MINK1: variants seen among roughly 807,000 people sequenced by gnomAD.
The protein encoded by MINK1 is misshapen-like kinase 1.
A neutral mutation model predicts 178.4 loss-of-function variants in MINK1; 46 were observed. The ratio of observed to expected loss-of-function variants is 0.26; its 90% CI spans 0.20 to 0.33. MINK1 has a LOEUF of 0.33. MINK1 is among the 10% of genes least tolerant of loss of function. MINK1 has a pLI of 1.00. For missense variants in MINK1, 1,366 were observed against 1,814.9 expected (o/e 0.75, Z 4.49); for synonymous variants, 797 against 709.7 (o/e 1.12, Z -1.96).
intron 16 of MINK1, 115 bp from the exon 17 acceptor site, chr17:4,892,034 C>T (rs1199245982): frequency 1.1e-6 from 1 of 888,316 alleles, no homozygotes; most frequent in Non-Finnish European, 1.8e-6. Flanking sequence ...CTCCCCTGAA[C>T]CTCAGTTTTC....
chr17:4,852,650 C>T (rs1024665295), intron 1 of MINK1, among the ~76,000 whole-genome samples: 1 of 147,258 alleles, frequency 6.8e-6, no homozygotes, highest in Non-Finnish European at 1.5e-5. Context: ...ATTGGCAAGG[C>T]TCCAGGTAAA....
At position 4,891,651 on chromosome 17, in the gene MINK1, G is replaced by A; in HGVS notation, c.1936G>A (p.Glu646Lys). 1 of 1,600,664 alleles carries A rather than the reference G, an allele frequency of 6.2e-7. No individual in the cohort carries two copies. The highest frequency in any genetic ancestry group is 8.5e-7 in the Non-Finnish European group (1 of 1,174,426). Residue 646 changes from glutamate to lysine, a missense_variant, in exon 16 of 32, where the codon GAA (glutamate) becomes AAA (lysine). By Grantham distance (56) the Glu-to-Lys change is moderately conservative. Transcript: ENST00000355280. The stretch of plus-strand genomic sequence containing the variant: ...CCGCCAGAATTCAGACCCCACCTCT[G>A]AAGGACCTGGCCCCAGCCCGAATCC... ...VIRQNSDPTS[E>K]GPGPSPNPPA...
intron 17 of MINK1, 69 bp from the exon 18 acceptor site, chr17:4,892,333 G>T: frequency 6.8e-7 from 1 of 1,467,640 alleles, no homozygotes; most frequent in Non-Finnish European, 9.3e-7. Flanking sequence ...CTGGGGGTGG[G>T]AAAGCCCCAG....
At chr17:4,877,431 A>G (rs558461077) in intron 1 of MINK1, among the ~76,000 whole-genome samples, 3 of 152,132 alleles carry the variant, frequency 2.0e-5, no homozygotes, top group Non-Finnish European at 4.4e-5. Flanking sequence ...CCCTCCGTCC[A>G]GGTCCCTTTG....
chr17:4,896,841 C>G lies in MINK1; in HGVS notation c.3915+28C>G, dbSNP rs2151082356. The stretch of plus-strand genomic sequence containing the variant: ...GGGAGGCTCCTTCCCTCTGAAAGCC[C>G]TGCTGTCCCGGCTGCCATGACCCTA... On this transcript the variant is annotated intron_variant, in intron 31 of 31. Transcript: ENST00000355280. This position sits in a 1 kb window ranked among gnomAD's most constrained non-coding sequence, Gnocchi z 4.6. 1.3e-6 allele frequency: 2 copies of G among 1,537,808 alleles called. No individual in the cohort carries two copies. Among genetic ancestry groups the G allele is most frequent in the East Asian group, 4.5e-5 (2 of 44,290 alleles).
chr17:4,867,994 T>G (rs1479295356), intron 1 of MINK1, among the ~76,000 whole-genome samples: 1 of 151,664 alleles, frequency 6.6e-6, no homozygotes, highest in Non-Finnish European at 1.5e-5. Context: ...TTTAATATCT[T>G]TAGACACAGT....
At chr17:4,872,828 G>T (rs377744798) in intron 1 of MINK1, among the ~76,000 whole-genome samples, 1 of 152,116 alleles carries the variant, frequency 6.6e-6, no homozygotes, top group South Asian at 2.1e-4. Flanking sequence ...TCCCCTCCAT[G>T]ATGATGAACG....
intron 1 of MINK1, 74 bp from the exon 2 acceptor site, chr17:4,878,240 TACC>T (rs1238402990): frequency 1.4e-5 from 19 of 1,332,832 alleles, no homozygotes; most frequent in Non-Finnish European, 1.9e-5. Flanking sequence ...CTTGACTGGA[TACC>T]ACTTTACCCC....
In MINK1 at chr17:4,894,412, G is replaced by C; in HGVS notation, c.2808+101G>C. 3 of 1,535,162 alleles carry C rather than the reference G, an allele frequency of 2.0e-6. No homozygotes were observed. The highest frequency in any genetic ancestry group is 2.6e-6 in the Non-Finnish European group (3 of 1,133,626). ...GGCAGAGGATGGGGCGGAGCGCTGG[G>C]AGCTGGACAGCGGGGGTGCCAGTTG... On this transcript the variant is annotated intron_variant, in intron 23 of 31. Coordinates refer to ENST00000355280, the MANE Select transcript of MINK1 (RefSeq NM_153827.5). This position sits in a 1 kb window ranked among gnomAD's most constrained non-coding sequence, Gnocchi z 4.1.
intron 1 of MINK1, among the ~76,000 whole-genome samples, chr17:4,858,616 A>G (rs1913581432): frequency 6.6e-6 from 1 of 151,776 alleles, no homozygotes; most frequent in South Asian, 2.1e-4. Flanking sequence ...AGCTGGGATT[A>G]CAGGCATGCA....
Position 4,835,626 on chromosome 17 carries a change from TAAACAAAACA to T in MINK1, c.57+2000_57+2009del, listed in dbSNP as rs554186099. ...TGGGCGACAAAGCGAGACCTTGTCT[TAAACAAAACA>T]AAACAAAACAAAAAAACGGGGCGGG... On this transcript the variant is annotated intron_variant, in intron 1 of 31. Coordinates refer to ENST00000355280, the MANE Select transcript of MINK1 (RefSeq NM_153827.5). Among the ~76,000 whole-genome samples, 309 of 152,158 alleles carry T rather than the reference TAAACAAAACA, an allele frequency of 2.0e-3. 1 individual carries two copies. The highest frequency in any genetic ancestry group is 7.1e-3 in the African/African-American group (296 of 41,518).
intron 1 of MINK1, among the ~76,000 whole-genome samples, chr17:4,858,621 C>T (rs995748930): frequency 4.6e-5 from 7 of 151,956 alleles, no homozygotes; most frequent in African/African-American, 1.7e-4. Flanking sequence ...GGATTACAGG[C>T]ATGCACTACC....
rs752137000 is a variant in MINK1, at chr17:4,895,954, G to A, written c.3365-49G>A. On this transcript the variant is annotated intron_variant, in intron 27 of 31. Transcript: ENST00000355280. This position sits in a 1 kb window ranked among gnomAD's most constrained non-coding sequence, Gnocchi z 4.3. Reference sequence around the variant, plus strand: ...AGTGACAGACCACGGGGAGGCGCCCGTGGCGCAAGAAGGGAAGTCTCAGCA... The same window carrying A: ...AGTGACAGACCACGGGGAGGCGCCCATGGCGCAAGAAGGGAAGTCTCAGCA... The A allele has an allele frequency of 1.7e-5, 27 of 1,568,080 alleles. No homozygotes were observed. Among genetic ancestry groups the A allele is most frequent in the African/African-American group, 4.1e-5 (3 of 73,654 alleles).
intron 1 of MINK1, among the ~76,000 whole-genome samples, chr17:4,874,908 G>A (rs765815126): frequency 2.0e-5 from 3 of 152,104 alleles, no homozygotes; most frequent in Non-Finnish European, 4.4e-5. Context: ...GGGAGTCAAG[G>A]TTACAAAATT....
chr17:4,892,503 A>G lies in MINK1; in HGVS notation c.2189A>G (p.Asn730Ser), dbSNP rs781672348. The change falls in exon 18 of 32, where the codon AAC becomes AGC. Residue 730 changes from asparagine to serine, a missense_variant. Transcript: ENST00000355280. ...CCTGCTCAGCCCCCTGGCCCGCCCA[A>G]CGCCTCTAGGTAATAGAGTTGTCCC... is the stretch of plus-strand genomic sequence containing the variant. The part of the protein sequence containing the change: ...GPPAQPPGPP[N>S]ASSNPDLRRS... The G allele has an allele frequency of 1.9e-5, 29 of 1,561,364 alleles. No individual in the cohort carries two copies. The highest frequency in any genetic ancestry group is 2.3e-5 in the South Asian group (2 of 85,264).
intron 1 of MINK1, among the ~76,000 whole-genome samples, chr17:4,855,032 C>A (rs1388409652): frequency 2.0e-5 from 3 of 152,000 alleles, no homozygotes; most frequent in South Asian, 2.1e-4. Context: ...CATGGTGAAA[C>A]CCCATCTCTA....
Position 4,833,908 on chromosome 17 carries a change from A to C in MINK1, c.57+268A>C, listed in dbSNP as rs1908876872. 6.6e-6 allele frequency among the ~76,000 whole-genome samples: 1 copy of C among 150,640 alleles called. No homozygotes were observed. The highest frequency in any genetic ancestry group is 2.4e-5 in the African/African-American group (1 of 40,850). The stretch of plus-strand genomic sequence containing the variant: ...CACACTTCCGTGCCACCCTACCTTT[A>C]CTCTGGGGTTCGGGACCCACTGGTT... On this transcript the variant is annotated intron_variant, in intron 1 of 31. Coordinates refer to ENST00000355280, the MANE Select transcript of MINK1 (RefSeq NM_153827.5). The surrounding 1 kb of genome is among the most constrained non-coding windows in gnomAD (Gnocchi z 4.8).
intron 1 of MINK1, chr17:4,854,826 AGT>A (rs1567569925): frequency 2.1e-6 from 1 of 473,886 alleles, no homozygotes; most frequent in Non-Finnish European, 4.2e-6. Context: ...TGAGTTCCAC[AGT>A]GTGAGAGGCA....
intron 1 of MINK1, among the ~76,000 whole-genome samples, chr17:4,839,089 G>A (rs1055553446): frequency 5.9e-5 from 9 of 151,794 alleles, no homozygotes; most frequent in East Asian, 5.8e-4. Context: ...GACTATAGGC[G>A]CCCGCCACAA....
Sources: gnomAD v4.1 joint callset for allele counts (sites outside exome capture counted in the v4.1 genomes callset) on GRCh38, gnomAD v4.1.1 for gene constraint, Gnocchi (gnomAD v3.1) non-coding constraint, MANE v1.5 for transcripts, NCBI Gene and HGNC (gene_info 2026-07-23, HGNC 2026-07-21) for gene names.